SH3GLB2: variants seen among roughly 807,000 people sequenced by gnomAD.
The protein encoded by SH3GLB2 is SH3 domain containing GRB2 like, endophilin B2.
A neutral mutation model predicts 48.0 loss-of-function variants in SH3GLB2; 24 were observed. The ratio of observed to expected loss-of-function variants is 0.50; its 90% confidence interval spans 0.36 to 0.70. SH3GLB2 has a LOEUF of 0.70. SH3GLB2 is among the 30% of genes least tolerant of loss of function. The probability of loss-of-function intolerance (pLI) is 0.00; values close to 1 mark genes in which losing one functional copy is unlikely to be tolerated. For missense variants in SH3GLB2, 425 were observed against 516.0 expected (o/e 0.82, Z 1.71); for synonymous variants, 227 against 207.6 (o/e 1.09, Z -0.80).
chr9:129,014,266 C>T lies in SH3GLB2; in HGVS notation c.561+145G>A. 1 of 759,412 alleles carries T rather than the reference C, an allele frequency of 1.3e-6. No homozygotes were observed. The highest frequency in any genetic ancestry group is 2.2e-6 in the Non-Finnish European group (1 of 463,002). The allele number at this position is 759,412 out of a possible 1,614,324, so 47.0% of individuals were successfully genotyped here. On this transcript the variant is annotated intron_variant, in intron 5 of 10. Coordinates refer to ENST00000372564, the MANE Select transcript of SH3GLB2 (RefSeq NM_020145.4). The surrounding 1 kb of genome is among the most constrained non-coding windows in gnomAD (Gnocchi z 4.1). ...TCCCTTGAGGGCAGGGACAGAGAGG[C>T]TCAGCCCAGCAGCCCCCAGCCAGGC...
intron 6 of SH3GLB2, 76 bp from the exon 7 acceptor site, chr9:129,010,769 C>T (rs879282782): frequency 6.4e-6 from 10 of 1,573,080 alleles, no homozygotes; most frequent in Middle Eastern, 1.7e-4. Flanking sequence ...CTGTGCCCTG[C>T]CCCAGCTCCC....
chr9:129,024,800 C>G (rs984836216), intron 1 of SH3GLB2, among the ~76,000 whole-genome samples: 5 of 151,364 alleles, frequency 3.3e-5, no homozygotes, highest in Admixed American at 2.6e-4. Context: ...GAAACCCCAT[C>G]TCTACTAAAA....
chr9:129,008,512 G>C lies in SH3GLB2; in HGVS notation c.*172C>G, dbSNP rs1310770452. On this transcript the variant is annotated 3_prime_UTR_variant, in exon 11 of 11. Transcript: ENST00000372564. The stretch of plus-strand genomic sequence containing the variant: ...TCAGAAGCAGGGCTGGGGGAGGGGT[G>C]GAGCCATTCAGCCTCAGGCACCCTC... The C allele has an allele frequency of 3.4e-6, 2 of 592,686 alleles. No homozygotes were observed. Among genetic ancestry groups the C allele is most frequent in the Non-Finnish European group, 6.1e-6 (2 of 325,582 alleles). 36.7% of individuals were successfully genotyped at this position (592,686 alleles called of 1,614,324 possible). A position where few individuals can be genotyped will look rare whatever the true frequency, so the allele number is the denominator to read the frequency against.
intron 3 of SH3GLB2, among the ~76,000 whole-genome samples, chr9:129,018,917 G>A (rs997160442): frequency 6.6e-6 from 1 of 151,530 alleles, no homozygotes; most frequent in Non-Finnish European, 1.5e-5. Flanking sequence ...ATTATGTTAG[G>A]TAAAAGCAGC....
chr9:129,017,040 C>T (rs528503128), intron 3 of SH3GLB2, among the ~76,000 whole-genome samples: 8 of 151,284 alleles, frequency 5.3e-5, no homozygotes, highest in East Asian at 2.0e-4. Context: ...CTACGCCTCC[C>T]GGGTTCCAGC....
In SH3GLB2 at chr9:129,013,215, TG is replaced by T. The variant is rs1468892883; in HGVS notation, c.562-918del. On this transcript the variant is annotated intron_variant, in intron 5 of 10. Transcript: ENST00000372564. ...CTTATGGGGACAGAGCTGTGGAGCT[TG>T]AGTCCTCTGGAATGCTGTTCCTGGG... 9.8e-6 allele frequency: 6 copies of T among 609,164 alleles called. No homozygotes were observed. In the African/African-American group the frequency reaches 1.1e-4, roughly 11 times the overall value. 37.7% of individuals were successfully genotyped at this position (609,164 alleles called of 1,614,324 possible). A position where few individuals can be genotyped will look rare whatever the true frequency, so the allele number is the denominator to read the frequency against.
intron 9 of SH3GLB2, 152 bp downstream of exon 9, chr9:129,009,619 A>G: frequency 7.1e-7 from 1 of 1,412,088 alleles, no homozygotes; most frequent in Non-Finnish European, 9.7e-7. Flanking sequence ...CCACCCTCAT[A>G]CACATGAGAT....
At chr9:129,008,826 G>T (rs2131218313) in intron 10 of SH3GLB2, 35 bp from the exon 11 acceptor site, 1 of 1,590,740 alleles carries the variant, frequency 6.3e-7, no homozygotes, top group East Asian at 2.2e-5. Flanking sequence ...GTCATGGCCT[G>T]GCCAAGGGTG....
chr9:129,013,972 G>A (rs759683263), intron 5 of SH3GLB2: 5 of 459,818 alleles, frequency 1.1e-5, no homozygotes, highest in Non-Finnish European at 2.2e-5. Context: ...GCAAGCGGGC[G>A]GTCCAGCTCC....
Position 129,014,589 on chromosome 9 carries a change from G to T in SH3GLB2, c.469-86C>A, listed in dbSNP as rs1322380406. 6.7e-7 allele frequency: 1 copy of T among 1,498,214 alleles called. No homozygotes were observed. The highest frequency in any genetic ancestry group is 1.2e-5 in the South Asian group (1 of 84,388). 92.8% of individuals were successfully genotyped at this position (1,498,214 alleles called of 1,614,324 possible). Reference sequence around the variant, plus strand: ...GCATGGCAAGATTGGTGCCGGGGACGATCAAGTCAAGATAGGGAAACTGAG... The same window carrying T: ...GCATGGCAAGATTGGTGCCGGGGACTATCAAGTCAAGATAGGGAAACTGAG... On this transcript the variant is annotated intron_variant, in intron 4 of 10. Transcript: ENST00000372564. The surrounding 1 kb of genome is among the most constrained non-coding windows in gnomAD (Gnocchi z 4.1).
At chr9:129,016,596 C>T (rs1039418951) in intron 3 of SH3GLB2, among the ~76,000 whole-genome samples, 4 of 149,746 alleles carry the variant, frequency 2.7e-5, no homozygotes, top group Admixed American at 1.3e-4. Flanking sequence ...AGGTGGAGGT[C>T]GCAGTGAACC....
chr9:129,013,861 C>T (rs770879632), intron 5 of SH3GLB2: 20 of 348,656 alleles, frequency 5.7e-5, no homozygotes, highest in Non-Finnish European at 1.1e-4. Context: ...GTCCCATTGA[C>T]CCAGCCAGGC....
At chr9:129,021,296 C>A in intron 2 of SH3GLB2, 77 bp from the exon 3 acceptor site, 1 of 1,469,010 alleles carries the variant, frequency 6.8e-7, no homozygotes, top group Non-Finnish European at 9.0e-7. Flanking sequence ...GACCCAGACC[C>A]GGCCCTGCCC....
Position 129,009,283 on chromosome 9 carries a change from G to A in SH3GLB2, c.903C>T (p.Pro301=). 6.4e-7 allele frequency: 1 copy of A among 1,561,572 alleles called. No homozygotes were observed. Residue 301 remains proline, a synonymous_variant, in exon 10 of 11, where the codon CCC becomes CCT. Transcript: ENST00000372564. Reference sequence around the variant, plus strand: ...CAGGCATAGTGGCCGCAGCAGTGGTGGGTGAGGTGCTGCTCAGGGGTGGGG... The same window carrying A: ...CAGGCATAGTGGCCGCAGCAGTGGTAGGTGAGGTGCTGCTCAGGGGTGGGG... ...PASPPLSSTS[P]TTAAATMPVV... is the part of the protein sequence containing the mutation.
At chr9:129,013,132 G>A (rs553769277) in intron 5 of SH3GLB2, 14 of 1,259,342 alleles carry the variant, frequency 1.1e-5, no homozygotes, top group South Asian at 3.9e-5. Flanking sequence ...GACACCAGGC[G>A]GTCGGGCGGA....
intron 8 of SH3GLB2, 76 bp downstream of exon 8, chr9:129,010,041 GCCC>G: frequency 6.8e-7 from 1 of 1,481,160 alleles, no homozygotes; most frequent in Non-Finnish European, 9.4e-7. Context: ...TTCTGGGGCA[GCCC>G]TGCTGACCTT....
intron 6 of SH3GLB2, 109 bp from the exon 7 acceptor site, chr9:129,010,802 C>T: frequency 7.6e-7 from 1 of 1,308,286 alleles, no homozygotes; most frequent in South Asian, 1.3e-5. Flanking sequence ...TGCCCCCCTG[C>T]CCCTCTGCCC....
At chr9:129,012,893 G>T in intron 5 of SH3GLB2, 1 of 1,344,344 alleles carries the variant, frequency 7.4e-7, no homozygotes, top group Non-Finnish European at 1.0e-6. Context: ...GCTCTGGCGG[G>T]GAGACCAGCT....
Position 129,008,934 on chromosome 9 carries a change from C to G in SH3GLB2, c.1081-143G>C, listed in dbSNP as rs1842920142. 3 of 1,319,208 alleles carry G rather than the reference C, an allele frequency of 2.3e-6. No individual in the cohort carries two copies. The South Asian group carries it at 4.0e-5, about 18-fold the overall frequency. The allele number at this position is 1,319,208 out of a possible 1,614,324, so 81.7% of individuals were successfully genotyped here. On this transcript the variant is annotated intron_variant, in intron 10 of 10. Coordinates refer to ENST00000372564, the MANE Select transcript of SH3GLB2 (RefSeq NM_020145.4). The stretch of plus-strand genomic sequence containing the variant: ...GTGGCTGGCGCTCATCTCACTTGCT[C>G]CAGAGACCCAGCAGAGCAAGGATCC...
Sources: gnomAD v4.1 joint callset for allele counts (sites outside exome capture counted in the v4.1 genomes callset) on GRCh38, gnomAD v4.1.1 for gene constraint, Gnocchi (gnomAD v3.1) non-coding constraint, MANE v1.5 for transcripts, NCBI Gene and HGNC (gene_info 2026-07-23, HGNC 2026-07-21) for gene names.